Variants in AATF observed in about 807,000 individuals in gnomAD.
AATF encodes the protein protein AATF.
In AATF, 48 loss-of-function variants were observed where a neutral mutation model predicts 63.7. That is an observed-to-expected ratio of 0.75 (90% CI 0.60 to 0.96). The LOEUF (loss-of-function observed/expected upper bound fraction) is 0.96. Ranked by LOEUF, AATF falls within the 40% of genes least tolerant of loss-of-function variation. AATF has a pLI of 0.00. For synonymous variants in AATF, 258 were observed against 247.7 expected, an observed-to-expected ratio of 1.04 and a Z score of -0.39; for missense variants, 639 against 685.7, an observed-to-expected ratio of 0.93 and a Z score of 0.76.
At position 36,950,193 on chromosome 17, in the gene AATF, CT is replaced by C; in HGVS notation, c.92-17del. 6.2e-7 allele frequency: 1 copy of C among 1,608,170 alleles called. No individual in the cohort carries two copies. Among genetic ancestry groups the C allele is most frequent in the Non-Finnish European group, 8.5e-7 (1 of 1,175,304 alleles). On this transcript the variant is annotated intron_variant, in intron 1 of 11. Coordinates refer to ENST00000619387, the MANE Select transcript of AATF (RefSeq NM_012138.4). ...TCTGCTAACCTGGAGATTCTGTTTA[CT>C]TTTCCCTCTCCCCCGACAGCCACTG...
Position 37,019,111 on chromosome 17 carries a change from A to G in AATF, c.1466+39A>G, listed in dbSNP as rs114444212. The G allele has an allele frequency of 9.4e-4, 1,455 of 1,545,022 alleles. 6 individuals are homozygous for G. The African/African-American group carries it at 0.016, about 17-fold the overall frequency. On this transcript the variant is annotated intron_variant, in intron 9 of 11. Transcript: ENST00000619387. ...AGCTTTCTGTTCATGCAAGCAGCCTATGTAATAGTTTCTCCCCTTGAGTCC... is the reference window on the plus strand; with the variant it reads ...AGCTTTCTGTTCATGCAAGCAGCCTGTGTAATAGTTTCTCCCCTTGAGTCC...
At chr17:37,015,530 T>G (rs1795664237) in intron 8 of AATF, among the ~76,000 whole-genome samples, 1 of 152,092 alleles carries the variant, frequency 6.6e-6, no homozygotes, top group Non-Finnish European at 1.5e-5. Context: ...ATCATGCCCT[T>G]TTAGAGGGAC....
At chr17:36,964,805 A>T (rs1567966904) in intron 4 of AATF, among the ~76,000 whole-genome samples, 2 of 125,848 alleles carry the variant, frequency 1.6e-5, no homozygotes, top group Non-Finnish European at 3.2e-5. Flanking sequence ...TTTTTTTCCT[A>T]AACTTTACAT....
intron 4 of AATF, among the ~76,000 whole-genome samples, chr17:36,971,089 AT>A (rs2071035917): frequency 6.6e-6 from 1 of 152,200 alleles, no homozygotes; most frequent in African/African-American, 2.4e-5. Context: ...CCAAATCAGA[AT>A]TAAAATCTTT....
At chr17:37,048,985 T>C (rs1036635341) in intron 11 of AATF, among the ~76,000 whole-genome samples, 1 of 152,208 alleles carries the variant, frequency 6.6e-6, no homozygotes, top group African/African-American at 2.4e-5. Context: ...TGTTGCTCTG[T>C]CTCATTCCAT....
intron 11 of AATF, among the ~76,000 whole-genome samples, chr17:37,044,043 A>C (rs544511857): frequency 1.6e-4 from 24 of 152,326 alleles, no homozygotes; most frequent in African/African-American, 5.5e-4. Flanking sequence ...AGTTGGGTAG[A>C]GGCTTCCTGT....
At chr17:36,994,556 C>T (rs1392383290) in intron 8 of AATF, among the ~76,000 whole-genome samples, 1 of 152,166 alleles carries the variant, frequency 6.6e-6, no homozygotes, top group Admixed American at 6.5e-5. Flanking sequence ...TACTTCCAAA[C>T]AGAATTACTT....
rs376240342 is a variant in AATF, at chr17:37,030,606, A to G, written c.1548-1008A>G. ...TATTTTTTTTTCCATTTGGTGGGAA[A>G]TGTAGGTGATATAACTTAAACTTCC... On this transcript the variant is annotated intron_variant, in intron 10 of 11. Transcript: ENST00000619387. Among the ~76,000 whole-genome samples, 38 of 152,312 alleles carry G rather than the reference A, an allele frequency of 2.5e-4. No individual in the cohort carries two copies. In the East Asian group the frequency reaches 4.6e-3, roughly 19 times the overall value.
intron 10 of AATF, among the ~76,000 whole-genome samples, chr17:37,028,759 C>G (rs2071529632): frequency 6.6e-6 from 1 of 152,132 alleles, no homozygotes; most frequent in Non-Finnish European, 1.5e-5. Flanking sequence ...CCATTCCAGC[C>G]TGGGTGACAG....
chr17:36,956,834 A>G (rs1352966705), intron 4 of AATF, among the ~76,000 whole-genome samples: 2 of 152,134 alleles, frequency 1.3e-5, no homozygotes, highest in African/African-American at 2.4e-5. Context: ...AATATTAGCC[A>G]GGTATGGTGG....
intron 4 of AATF, among the ~76,000 whole-genome samples, chr17:36,956,052 A>C (rs1283951025): frequency 6.6e-6 from 1 of 152,208 alleles, no homozygotes; most frequent in Non-Finnish European, 1.5e-5. Flanking sequence ...GGTGTGAGCC[A>C]CCATACTCAA....
chr17:36,979,928 A>G (rs1262705392), intron 4 of AATF, among the ~76,000 whole-genome samples: 1 of 152,230 alleles, frequency 6.6e-6, no homozygotes, highest in Non-Finnish European at 1.5e-5. Context: ...TATGGGTAGC[A>G]TATAAATGAA....
chr17:36,966,440 A>C (rs1472939669), intron 4 of AATF, among the ~76,000 whole-genome samples: 2 of 151,234 alleles, frequency 1.3e-5, no homozygotes, highest in Admixed American at 1.3e-4. Context: ...AATTTAAAAA[A>C]AATTTCTGGT....
chr17:36,975,157 C>G (rs2071070509), intron 4 of AATF, among the ~76,000 whole-genome samples: 1 of 152,040 alleles, frequency 6.6e-6, no homozygotes, highest in Non-Finnish European at 1.5e-5. Context: ...TATCTGACTT[C>G]CAGATACTTT....
chr17:36,975,085 G>A (rs2071069884), intron 4 of AATF, among the ~76,000 whole-genome samples: 1 of 152,174 alleles, frequency 6.6e-6, no homozygotes, highest in Non-Finnish European at 1.5e-5. Context: ...AACGTAGATT[G>A]TGAAAGTATT....
chr17:36,959,868 T>C (rs1408802506), intron 4 of AATF, among the ~76,000 whole-genome samples: 1 of 152,232 alleles, frequency 6.6e-6, no homozygotes, highest in Non-Finnish European at 1.5e-5. Context: ...TAAGATTTTT[T>C]ACTTTCCTAA....
chr17:37,050,703 G>T (rs1451315881), intron 11 of AATF, among the ~76,000 whole-genome samples: 1 of 152,142 alleles, frequency 6.6e-6, no homozygotes, highest in Non-Finnish European at 1.5e-5. Flanking sequence ...CTTGCCTGCC[G>T]TGTGCTTTCT....
intron 4 of AATF, among the ~76,000 whole-genome samples, chr17:36,967,539 C>T (rs927326555): frequency 9.9e-5 from 15 of 152,198 alleles, no homozygotes; most frequent in African/African-American, 3.6e-4. Flanking sequence ...CTGGCCTGTT[C>T]ACCTTCTCAG....
chr17:37,002,031 G>A (rs927623959), intron 8 of AATF, among the ~76,000 whole-genome samples: 21 of 151,564 alleles, frequency 1.4e-4, no homozygotes, highest in Admixed American at 5.3e-4. Flanking sequence ...GTGAAACCCC[G>A]CCTCTACTAA....
Sources: gnomAD v4.1 joint callset for allele counts (sites outside exome capture counted in the v4.1 genomes callset) on GRCh38, gnomAD v4.1.1 for gene constraint, MANE v1.5 for transcripts, NCBI Gene and HGNC (gene_info 2026-07-23, HGNC 2026-07-21) for gene names.